Variants in GALNT1 observed in about 807,000 individuals in gnomAD.
The protein encoded by GALNT1 is GalNAc transferase 1.
Under a neutral mutation model 65.7 loss-of-function variants are expected in GALNT1, and 17 were observed. That is an observed-to-expected ratio of 0.26 (90% CI 0.18 to 0.39). The LOEUF (loss-of-function observed/expected upper bound fraction) is 0.39, where lower values mean the gene tolerates loss of function less well. Ranked by LOEUF, GALNT1 falls within the 10% of genes least tolerant of loss-of-function variation. The pLI, the probability that GALNT1 is intolerant of heterozygous loss-of-function variation, is 1.00. For synonymous variants in GALNT1, 210 were observed against 219.7 expected (o/e 0.96, Z 0.39); for missense variants, 460 against 672.8 (o/e 0.68, Z 3.50).
At chr18:35,665,578 T>C (rs2047538196) in intron 3 of GALNT1, among the ~76,000 whole-genome samples, 1 of 152,162 alleles carries the variant, frequency 6.6e-6, no homozygotes, top group Non-Finnish European at 1.5e-5. Flanking sequence ...ACTGAGGATT[T>C]CAACCCCCAG....
chr18:35,601,522 G>T (rs1598781255), intron 1 of GALNT1, among the ~76,000 whole-genome samples: 1 of 151,872 alleles, frequency 6.6e-6, no homozygotes, highest in African/African-American at 2.4e-5. Context: ...GAGGAGTATT[G>T]TTAGGTTGTT....
intron 1 of GALNT1, among the ~76,000 whole-genome samples, chr18:35,594,344 C>T (rs1479621055): frequency 6.6e-6 from 1 of 152,036 alleles, no homozygotes; most frequent in African/African-American, 2.4e-5. Flanking sequence ...GAAGGAACTC[C>T]GGTCTGATGA....
chr18:35,648,385 T>C (rs1055467905), intron 1 of GALNT1, among the ~76,000 whole-genome samples: 3 of 152,216 alleles, frequency 2.0e-5, no homozygotes, highest in Admixed American at 6.5e-5. Context: ...GGCTAAGCTA[T>C]AATGTTCTGT....
At chr18:35,643,738 C>T (rs531000972) in intron 1 of GALNT1, among the ~76,000 whole-genome samples, 1 of 149,942 alleles carries the variant, frequency 6.7e-6, no homozygotes, top group African/African-American at 2.5e-5. Context: ...GTGGAGCTTG[C>T]AGTGAGCCGA....
intron 4 of GALNT1, 140 bp downstream of exon 4, chr18:35,677,897 CAT>C: frequency 1.7e-6 from 1 of 599,508 alleles, no homozygotes; most frequent in East Asian, 3.0e-5. Context: ...GATTCATTCA[CAT>C]ATGTAAAAAA....
intron 1 of GALNT1, among the ~76,000 whole-genome samples, chr18:35,609,305 C>T (rs1428802453): frequency 1.3e-5 from 2 of 150,808 alleles, no homozygotes; most frequent in African/African-American, 4.9e-5. Context: ...AAAAAAAATT[C>T]AGGTCAGTTA....
At chr18:35,636,783 G>GTTTTTTT (rs58909585) in intron 1 of GALNT1, among the ~76,000 whole-genome samples, 2 of 64,212 alleles carry the variant, frequency 3.1e-5, no homozygotes, top group African/African-American at 1.1e-4. Flanking sequence ...ATACTACTTT[G>GTTTTTTT]TTTTTTTTTT....
At chr18:35,683,023 C>T (rs1223915985) in intron 4 of GALNT1, among the ~76,000 whole-genome samples, 3 of 151,036 alleles carry the variant, frequency 2.0e-5, no homozygotes, top group Non-Finnish European at 4.4e-5. Flanking sequence ...ATTACATATT[C>T]TGTGTCTTCT....
At chr18:35,701,350 G>A (rs1357121009) in intron 9 of GALNT1, among the ~76,000 whole-genome samples, 1 of 152,156 alleles carries the variant, frequency 6.6e-6, no homozygotes, top group African/African-American at 2.4e-5. Context: ...TTATAGACAT[G>A]GGTCACTGTG....
intron 1 of GALNT1, among the ~76,000 whole-genome samples, chr18:35,646,139 A>C (rs2144331325): frequency 6.6e-6 from 1 of 152,308 alleles, no homozygotes; most frequent in South Asian, 2.1e-4. Context: ...AAGGGGAAGC[A>C]AGCATGTCTT....
intron 1 of GALNT1, among the ~76,000 whole-genome samples, chr18:35,604,212 C>T (rs1452239718): frequency 3.3e-5 from 5 of 152,064 alleles, no homozygotes; most frequent in African/African-American, 1.2e-4. Flanking sequence ...GGATAATGGC[C>T]TCTATTTGCA....
At chr18:35,627,750 C>CGAGCAT (rs112856817) in intron 1 of GALNT1, among the ~76,000 whole-genome samples, 15,386 of 151,800 alleles carry the variant, frequency 0.1, 990 homozygotes, top group African/African-American at 0.19. Flanking sequence ...TGTAGCACAC[C>CGAGCAT]GAGCTGAAGC....
intron 1 of GALNT1, among the ~76,000 whole-genome samples, chr18:35,635,278 C>T (rs1415395026): frequency 1.3e-5 from 2 of 152,126 alleles, no homozygotes; most frequent in Non-Finnish European, 2.9e-5. Flanking sequence ...TGTTACAGTC[C>T]AGAGTTCTTA....
chr18:35,591,804 A>G (rs2046448074), intron 1 of GALNT1: 2 of 154,410 alleles, frequency 1.3e-5, no homozygotes, highest in South Asian at 2.0e-4. Flanking sequence ...ACTACTTCAC[A>G]TGACTTTGTA....
upstream of GALNT1, among the ~76,000 whole-genome samples, chr18:35,581,578 G>GGCGGC (rs1233234531): frequency 0.022 from 2 of 90 alleles, no homozygotes; most frequent in East Asian, 0.12. Context: ...CCAAGTGAGC[G>GGCGGC]GGCAGGCGGC....
At chr18:35,678,872 T>A (rs1223023438) in intron 4 of GALNT1, among the ~76,000 whole-genome samples, 1 of 152,208 alleles carries the variant, frequency 6.6e-6, no homozygotes, top group South Asian at 2.1e-4. Context: ...AAATATCAAT[T>A]ATTTGGAGTA....
In GALNT1 at chr18:35,622,847, G is replaced by T. The variant is rs545958744; in HGVS notation, c.-103-31713G>T. 3.9e-5 allele frequency among the ~76,000 whole-genome samples: 6 copies of T among 152,020 alleles called. No individual in the cohort carries two copies. The South Asian group carries it at 1.0e-3, about 26-fold the overall frequency. On this transcript the variant is annotated intron_variant, in intron 1 of 11. Transcript: ENST00000269195. ...TAAGTGAGTTGTTTTTTTAACTGTA[G>T]ATTTAGGGCAGATATCTTTTGTTAG... is the stretch of plus-strand genomic sequence containing the variant.
At chr18:35,688,471 C>T (rs1208923107) in intron 6 of GALNT1, among the ~76,000 whole-genome samples, 4 of 151,744 alleles carry the variant, frequency 2.6e-5, no homozygotes, top group Non-Finnish European at 5.9e-5. Flanking sequence ...TTATTTAAAT[C>T]TTCCTTCATT....
chr18:35,624,703 G>T (rs1050614434), intron 1 of GALNT1, among the ~76,000 whole-genome samples: 1 of 151,874 alleles, frequency 6.6e-6, no homozygotes, highest in East Asian at 1.9e-4. Context: ...TACACATTCT[G>T]TTTTTATTTA....
Sources: allele counts gnomAD v4.1 joint callset (sites outside exome capture counted in the v4.1 genomes callset), GRCh38; gene constraint gnomAD v4.1.1; transcripts MANE v1.5; gene names NCBI Gene and HGNC (gene_info 2026-07-23, HGNC 2026-07-21).